The following TRPM5 variants were observed in gnomAD, a reference collection of about 807,000 sequenced individuals.
TRPM5 encodes MLSN1 and TRP-related.
Under a neutral mutation model 124.9 loss-of-function variants are expected in TRPM5, and 121 were observed. That is an observed-to-expected ratio of 0.97 (90% CI 0.84 to 1.13). TRPM5 has a LOEUF of 1.13. Among genes scored for constraint, TRPM5 ranks in the 50% most tolerant of loss-of-function variants. The pLI, the probability that TRPM5 is intolerant of heterozygous loss-of-function variation, is 0.00. For missense variants in TRPM5, 1,643 were observed against 1,589.1 expected (o/e 1.03, Z -0.58); for synonymous variants, 781 against 700.5 (o/e 1.11, Z -1.81).
chr11:2,420,423 G>A lies in TRPM5; in HGVS notation c.466-18C>T. On this transcript the variant is annotated intron_variant, in intron 3 of 23. Coordinates refer to ENST00000155858, the Ensembl canonical transcript of TRPM5. ...AAATCCTCCTGCGCCCATGCAGGGA[G>A]ACGAGGCTGAGCCCTCGAGAGGCAG... 3.8e-6 allele frequency: 6 copies of A among 1,590,642 alleles called. No individual in the cohort carries two copies. The highest frequency in any genetic ancestry group is 5.1e-6 in the Non-Finnish European group (6 of 1,165,336).
chr11:2,405,102 G>A lies in TRPM5; in HGVS notation c.3392-59C>T, dbSNP rs1423330150. 5.4e-6 allele frequency: 8 copies of A among 1,468,984 alleles called. No individual in the cohort carries two copies. In the South Asian group the frequency reaches 9.3e-5, roughly 17 times the overall value. The allele number at this position is 1,468,984 out of a possible 1,614,324, so 91.0% of individuals were successfully genotyped here. Reference sequence around the variant, plus strand: ...AACCAGCAAGGCAGGCCCAGGAAGGGGAGAGGTAGCTGGCTCAGAGGCAAG... The same window carrying A: ...AACCAGCAAGGCAGGCCCAGGAAGGAGAGAGGTAGCTGGCTCAGAGGCAAG... On this transcript the variant is annotated intron_variant, in intron 23 of 23. Transcript: ENST00000155858.
At chr11:2,420,405 C>T in exon 4 of TRPM5, 1 of 1,605,172 alleles carries the variant, frequency 6.2e-7, no homozygotes, top group East Asian at 2.2e-5. Flanking sequence ...GGAAAATCCT[C>T]CTGCGCCCAT....
At chr11:2,406,296 T>G (rs1404751888) in intron 21 of TRPM5, among the ~76,000 whole-genome samples, 1 of 152,084 alleles carries the variant, frequency 6.6e-6, no homozygotes, top group Admixed American at 6.5e-5. Flanking sequence ...GCCTTCCCAG[T>G]AGGGCTAGGG....
chr11:2,418,698 G>A (rs759161433), intron 4 of TRPM5, 107 bp from the exon 10 acceptor site: 33 of 1,173,022 alleles, frequency 2.8e-5, no homozygotes, highest in Middle Eastern at 1.9e-4. Context: ...TGGCTCTTCC[G>A]AATAAAGTGT....
rs1850528825 is a variant in TRPM5, at chr11:2,414,701, C to CCGGTCACTCACCGAGGGCCAGCT, written c.1744+13_1744+14insAGCTGGCCCTCGGTGAGTGACCG. The stretch of plus-strand genomic sequence containing the variant: ...CCCCGCGCGCGGGCCCGGCCCCAGC[C>CCGGTCACTCACCGAGGGCCAGCT]GCCGGTCACTCACCAAGGGCCAGCC... On this transcript the variant is annotated intron_variant, in intron 11 of 23. Coordinates refer to ENST00000155858, the Ensembl canonical transcript of TRPM5. 1 of 1,525,584 alleles carries CCGGTCACTCACCGAGGGCCAGCT rather than the reference C, an allele frequency of 6.6e-7. No homozygotes were observed. Among genetic ancestry groups the CCGGTCACTCACCGAGGGCCAGCT allele is most frequent in the Non-Finnish European group, 8.8e-7 (1 of 1,136,266 alleles). 94.5% of individuals were successfully genotyped at this position (1,525,584 alleles called of 1,614,324 possible). A position where few individuals can be genotyped will look rare whatever the true frequency, so the allele number is the denominator to read the frequency against.
chr11:2,404,772 G>T, exon 24 of TRPM5: 1 of 593,010 alleles, frequency 1.7e-6, no homozygotes, highest in Non-Finnish European at 3.0e-6. Context: ...GACAAGGAGC[G>T]GTTCCTTTGG....
intron 12 of TRPM5, 52 bp downstream of exon 17, chr11:2,414,009 G>GGGCGCCCCC: frequency 4.9e-6 from 5 of 1,023,732 alleles, no homozygotes; most frequent in Non-Finnish European, 4.3e-6. Flanking sequence ...GGCCCAGCTC[G>GGGCGCCCCC]CCCGCCCACC....
At chr11:2,420,246 A>C (rs745339456) in exon 4 of TRPM5, 2 of 1,608,012 alleles carry the variant, frequency 1.2e-6, no homozygotes, top group South Asian at 2.2e-5. Context: ...CTCTGCTCCG[A>C]GATGTGCTTC....
chr11:2,428,249 C>A, the TRPM5 span, among the ~76,000 whole-genome samples: 1 of 152,184 alleles, frequency 6.6e-6, no homozygotes, highest in African/African-American at 2.4e-5. The surrounding 1 kb of genome is among the most constrained non-coding windows in gnomAD (Gnocchi z 4.0). Context: ...CTCTGTGTGC[C>A]CCTTCCCAAA....
chr11:2,409,908 C>T (rs1032879388), intron 18 of TRPM5, among the ~76,000 whole-genome samples: 18 of 152,324 alleles, frequency 1.2e-4, no homozygotes, highest in South Asian at 1.0e-3. Flanking sequence ...CTTCTCCCGT[C>T]GAGAAGGAGG....
the TRPM5 span, among the ~76,000 whole-genome samples, chr11:2,440,710 C>T: frequency 2.6e-5 from 4 of 152,324 alleles, no homozygotes; most frequent in East Asian, 1.9e-4. The surrounding 1 kb of genome is among the most constrained non-coding windows in gnomAD (Gnocchi z 5.2). Context: ...CCTAGAACAG[C>T]GCCTGGCACT....
rs1214065964 is a variant in TRPM5 at position 2,421,202 on chromosome 11, T to C, written c.299-4A>G. 2 of 1,535,096 alleles carry C rather than the reference T, an allele frequency of 1.3e-6. No individual in the cohort carries two copies. The highest frequency in any genetic ancestry group is 2.8e-5 in the African/African-American group (2 of 72,066). On this transcript the variant is annotated splice_region_variant and splice_polypyrimidine_tract_variant and intron_variant, in intron 2 of 23. Transcript: ENST00000155858. ...GCACTGGTCAGGATCCAGGCTCCTG[T>C]GGGGATGGAAGAGGGCCTCGTTGTG...
the TRPM5 span, among the ~76,000 whole-genome samples, chr11:2,440,833 G>A: frequency 6.6e-6 from 1 of 152,246 alleles, no homozygotes; most frequent in African/African-American, 2.4e-5. This position sits in a 1 kb window ranked among gnomAD's most constrained non-coding sequence, Gnocchi z 5.2. Flanking sequence ...TGGCCTGGCT[G>A]TTCTAGCAGC....
chr11:2,418,226 T>C, exon 6 of TRPM5: 1 of 1,586,514 alleles, frequency 6.3e-7, no homozygotes, highest in South Asian at 1.1e-5. Flanking sequence ...AACTTCTCCT[T>C]AAACTGCTTC....
chr11:2,426,795 C>T (rs1011629155), upstream of TRPM5, among the ~76,000 whole-genome samples: 1 of 152,196 alleles, frequency 6.6e-6, no homozygotes, highest in Non-Finnish European at 1.5e-5. Flanking sequence ...CCAGAAAGGT[C>T]CCTGCGTGCA....
At chr11:2,411,265 A>G in intron 18 of TRPM5, 87 bp downstream of exon 23, 1 of 1,416,140 alleles carries the variant, frequency 7.1e-7, no homozygotes, top group Non-Finnish European at 9.3e-7. Flanking sequence ...GCCCCAACAG[A>G]CCTCTCTGGA....
At chr11:2,429,551 G>T in the TRPM5 span, among the ~76,000 whole-genome samples, 1 of 151,736 alleles carries the variant, frequency 6.6e-6, no homozygotes, top group Admixed American at 6.6e-5. The surrounding 1 kb of genome is among the most constrained non-coding windows in gnomAD (Gnocchi z 8.4). Flanking sequence ...GGTGGTGGGG[G>T]TGATAATGAT....
At chr11:2,429,912 G>T in the TRPM5 span, among the ~76,000 whole-genome samples, 3 of 152,094 alleles carry the variant, frequency 2.0e-5, no homozygotes, top group African/African-American at 7.2e-5. The surrounding 1 kb of genome is among the most constrained non-coding windows in gnomAD (Gnocchi z 8.4). Context: ...CATGAGATCT[G>T]ATGGTTTTAT....
At chr11:2,430,564 T>G in the TRPM5 span, among the ~76,000 whole-genome samples, 1 of 151,230 alleles carries the variant, frequency 6.6e-6, no homozygotes, top group Non-Finnish European at 1.5e-5. Context: ...GCGGTGAGGG[T>G]GGTGGCGGTG....
Sources: allele counts gnomAD v4.1 joint callset (sites outside exome capture counted in the v4.1 genomes callset), GRCh38; gene constraint gnomAD v4.1.1; non-coding constraint Gnocchi (gnomAD v3.1); transcripts MANE v1.5; gene names NCBI Gene and HGNC (gene_info 2026-07-23, HGNC 2026-07-21).